Variants in LASP1NB observed in about 807,000 individuals in gnomAD.
LASP1NB encodes LASP1 neighbor, also known as LASP1 neighbor protein.
the LASP1NB span, chr17:38,929,294 T>C: frequency 2.6e-5 from 4 of 152,306 alleles, no homozygotes; most frequent in South Asian, 2.1e-4. Flanking sequence ...CTGCAAAAAG[T>C]TACCTCTGTA....
At chr17:38,927,155 T>C in the LASP1NB span, 1 of 152,146 alleles carries the variant, frequency 6.6e-6, no homozygotes, top group Non-Finnish European at 1.5e-5. Flanking sequence ...TCAAAGATCT[T>C]TTCTGGAAAA....
the LASP1NB span, chr17:38,928,935 T>G: frequency 6.6e-6 from 1 of 152,216 alleles, no homozygotes; most frequent in African/African-American, 2.4e-5. Context: ...CCAAGCTTGC[T>G]CTGGTCTTTT....
chr17:38,926,453 C>G, the LASP1NB span: 1 of 152,204 alleles, frequency 6.6e-6, no homozygotes, highest in African/African-American at 2.4e-5. Flanking sequence ...GGCCTCTCAT[C>G]CACAGAAGCA....
chr17:38,928,132 A>G, the LASP1NB span: 1 of 152,128 alleles, frequency 6.6e-6, no homozygotes, highest in Non-Finnish European at 1.5e-5. Flanking sequence ...ATATGACCTG[A>G]CCTTTCATAA....
At chr17:38,929,206 TA>T in the LASP1NB span, 2 of 152,246 alleles carry the variant, frequency 1.3e-5, no homozygotes, top group Admixed American at 1.3e-4. Flanking sequence ...AACAGGGTTT[TA>T]CTGTGTTATT....
chr17:38,928,897 T>A, the LASP1NB span: 12 of 152,360 alleles, frequency 7.9e-5, no homozygotes, highest in African/African-American at 2.2e-4. Context: ...TTAGTTATGA[T>A]GGTATAGATC....
At chr17:38,926,926 T>C in the LASP1NB span, 12 of 152,318 alleles carry the variant, frequency 7.9e-5, no homozygotes, top group African/African-American at 1.2e-4. Context: ...ACTTGTCATT[T>C]GAGTTTTTAA....
chr17:38,927,130 G>C, the LASP1NB span: 2 of 151,056 alleles, frequency 1.3e-5, no homozygotes, highest in Admixed American at 1.3e-4. Flanking sequence ...GTGTGTGTGT[G>C]TGTGTGTGTT....
At chr17:38,925,959 C>A in the LASP1NB span, 2 of 383,266 alleles carry the variant, frequency 5.2e-6, no homozygotes, top group Non-Finnish European at 9.2e-6. Context: ...TTTTCTTAGA[C>A]CACTCTGAAA....
the LASP1NB span, chr17:38,925,791 G>A: frequency 5.0e-6 from 2 of 398,448 alleles, no homozygotes; most frequent in Non-Finnish European, 8.8e-6. Context: ...GCTGCGGCCG[G>A]AGCCTGCTGG....
chr17:38,927,019 T>C, the LASP1NB span: 1 of 152,090 alleles, frequency 6.6e-6, no homozygotes, highest in Admixed American at 6.6e-5. Flanking sequence ...AGTCCTCTCT[T>C]TGCACCTGAT....
At chr17:38,926,612 G>C in the LASP1NB span, 1 of 152,216 alleles carries the variant, frequency 6.6e-6, no homozygotes, top group Admixed American at 6.5e-5. Context: ...TTGAGCTGTA[G>C]ATGGGATTGA....
chr17:38,927,024 C>A, the LASP1NB span: 1 of 151,964 alleles, frequency 6.6e-6, no homozygotes, highest in East Asian at 1.9e-4. Flanking sequence ...TCTCTTTGCA[C>A]CTGATTGAAT....
the LASP1NB span, chr17:38,926,844 T>C: frequency 1.3e-5 from 2 of 152,192 alleles, no homozygotes; most frequent in South Asian, 4.1e-4. Flanking sequence ...GTAGTCACTT[T>C]ATCACTGTCT....
the LASP1NB span, chr17:38,925,636 GTGC>G: frequency 7.5e-6 from 3 of 398,342 alleles, no homozygotes; most frequent in Non-Finnish European, 1.3e-5. Context: ...TGCAACCTCC[GTGC>G]TCACAGCTCA....
the LASP1NB span, chr17:38,928,189 T>G: frequency 6.6e-6 from 1 of 152,220 alleles, no homozygotes; most frequent in Non-Finnish European, 1.5e-5. Context: ...CGCATGCCTA[T>G]AATCCCAGCA....
the LASP1NB span, chr17:38,927,070 A>T: frequency 2.6e-5 from 4 of 151,838 alleles, no homozygotes; most frequent in Non-Finnish European, 5.9e-5. Context: ...ATACTTATTT[A>T]GGAAAAATCT....
At chr17:38,925,895 T>C in the LASP1NB span, 3 of 397,054 alleles carry the variant, frequency 7.6e-6, no homozygotes, top group Non-Finnish European at 1.3e-5. Context: ...ATCTCGGGTA[T>C]TGATTCCAAA....
the LASP1NB span, chr17:38,929,346 G>C: frequency 6.6e-6 from 1 of 150,956 alleles, no homozygotes; most frequent in East Asian, 2.0e-4. Flanking sequence ...GTGTCATAGG[G>C]TAATTTTGTC....
Sources: gnomAD v4.1 joint callset for allele counts on GRCh38, gnomAD v4.1.1 for gene constraint, MANE v1.5 for transcripts, NCBI Gene and HGNC (gene_info 2026-07-23, HGNC 2026-07-21) for gene names.